Variants in UTRN observed in about 807,000 individuals in gnomAD.
The protein encoded by UTRN is utrophin, also known as dystrophin-related protein 1.
In UTRN, 283 loss-of-function variants were observed where a neutral mutation model predicts 463.9. The observed-to-expected ratio is 0.61, with a 90% CI of 0.55 to 0.67. The LOEUF is 0.67. Among genes scored for constraint, UTRN ranks in the 30% least tolerant of loss-of-function variants. UTRN has a pLI of 0.00. For missense variants in UTRN, 3,922 were observed against 4,084.3 expected (o/e 0.96, Z 1.08); for synonymous variants, 1,442 against 1,431.5 (o/e 1.01, Z -0.17).
chr6:144,502,557 A>G (rs939548416), intron 34 of UTRN, among the ~76,000 whole-genome samples: 22 of 152,016 alleles, frequency 1.4e-4, no homozygotes, highest in African/African-American at 4.6e-4. Context: ...ATGGTTTCCA[A>G]CTTCATCCGG....
At position 144,437,630 on chromosome 6, in the gene UTRN, ACTG is replaced by A. The variant is rs1399473448; in HGVS notation, c.1126_1128del (p.Leu376del). On this transcript the variant is annotated inframe_deletion, in exon 11 of 75. Transcript: ENST00000367545. The stretch of plus-strand genomic sequence containing the variant: ...GCAGCGTCCTGCAGGCAGGCAACCA[ACTG>A]ATAACACAAGGAACTCTGTCAGACG... The A allele has an allele frequency of 6.2e-7, 1 of 1,614,018 alleles. No homozygotes were observed. The highest frequency in any genetic ancestry group is 1.3e-5 in the African/African-American group (1 of 74,908).
At position 144,341,791 on chromosome 6, in the gene UTRN, C is replaced by G. The variant is rs147583478; in HGVS notation, c.79+49884C>G. ...TTCCTTACCAGTTTTCAGAAGAACC[C>G]TTTGGTAGAGGAAGCAGGGCCAACT... On this transcript the variant is annotated intron_variant, in intron 2 of 74. Transcript: ENST00000367545. Among the ~76,000 whole-genome samples, 314 of 152,274 alleles carry G rather than the reference C, an allele frequency of 2.1e-3. 2 individuals are homozygous for G. The highest frequency in any genetic ancestry group is 7.2e-3 in the African/African-American group (300 of 41,530).
chr6:144,587,930 G>A (rs1004936389), intron 51 of UTRN, among the ~76,000 whole-genome samples: 4 of 152,108 alleles, frequency 2.6e-5, no homozygotes, highest in Non-Finnish European at 4.4e-5. Flanking sequence ...TCATGAGAAA[G>A]TCTTGGTTAG....
intron 51 of UTRN, among the ~76,000 whole-genome samples, chr6:144,602,117 C>A (rs1804308473): frequency 6.6e-6 from 1 of 151,898 alleles, no homozygotes; most frequent in Non-Finnish European, 1.5e-5. Flanking sequence ...GAGTTAAATT[C>A]CTACAGCATT....
intron 40 of UTRN, 24 bp downstream of exon 40, chr6:144,522,195 G>T (rs1471645292): frequency 1.4e-6 from 2 of 1,451,860 alleles, no homozygotes; most frequent in South Asian, 1.7e-5. Context: ...CACTGTGTTT[G>T]AATGGCCACA....
chr6:144,318,755 C>T (rs1298449480), intron 2 of UTRN, among the ~76,000 whole-genome samples: 2 of 152,196 alleles, frequency 1.3e-5, no homozygotes, highest in Non-Finnish European at 2.9e-5. Flanking sequence ...TGAGCCACTG[C>T]ACCTGGCCTA....
At chr6:144,731,183 G>A (rs1788476101) in intron 54 of UTRN, among the ~76,000 whole-genome samples, 1 of 151,784 alleles carries the variant, frequency 6.6e-6, no homozygotes, top group Non-Finnish European at 1.5e-5. Flanking sequence ...TTTACAAGCA[G>A]ACAACATTTG....
At chr6:144,404,214 G>A (rs1783181397) in intron 3 of UTRN, among the ~76,000 whole-genome samples, 2 of 152,110 alleles carry the variant, frequency 1.3e-5, no homozygotes, top group Non-Finnish European at 2.9e-5. Context: ...GAGTATGTAA[G>A]GAACATGAAA....
chr6:144,490,043 TCCTCTCC>T, intron 30 of UTRN, 21 bp from the exon 31 acceptor site: 1 of 1,591,798 alleles, frequency 6.3e-7, no homozygotes, highest in Non-Finnish European at 8.5e-7. Context: ...AAAAAGGACA[TCCTCTCC>T]CCTTTCCAAT....
chr6:144,533,219 C>G lies in UTRN; in HGVS notation c.6192C>G (p.Arg2064=). Residue 2064 remains arginine (R), a synonymous_variant, in exon 43 of 75, where the codon CGC becomes CGG. Transcript: ENST00000367545. Reference sequence around the variant, plus strand: ...AAAAACTGGCAGGTTTAAACCAACGCTGGGATGCAATTGTTGCAGAAGTGA... The same window carrying G: ...AAAAACTGGCAGGTTTAAACCAACGGTGGGATGCAATTGTTGCAGAAGTGA... ...LKEKLAGLNQ[R]WDAIVAEVKD... The G allele has an allele frequency of 6.2e-7, 1 of 1,614,136 alleles. No individual in the cohort carries two copies. Among genetic ancestry groups the G allele is most frequent in the Non-Finnish European group, 8.5e-7 (1 of 1,179,988 alleles).
At chr6:144,761,442 C>T (rs559841332) in intron 58 of UTRN, among the ~76,000 whole-genome samples, 149 of 151,946 alleles carry the variant, frequency 9.8e-4, no homozygotes, top group Middle Eastern at 3.4e-3. Flanking sequence ...ATTGCTTGCC[C>T]CCAGGAGTTC....
intron 45 of UTRN, among the ~76,000 whole-genome samples, chr6:144,540,609 C>T (rs1797904977): frequency 6.6e-6 from 1 of 152,184 alleles, no homozygotes; most frequent in African/African-American, 2.4e-5. Context: ...CACAATCGAG[C>T]TTTTGATATC....
Position 144,429,645 on chromosome 6 carries a change from G to A in UTRN, c.759G>A (p.Val253=). The A allele has an allele frequency of 6.2e-7, 1 of 1,612,352 alleles. No individual in the cohort carries two copies. The highest frequency in any genetic ancestry group is 8.5e-7 in the Non-Finnish European group (1 of 1,179,096). ...TGTATTTAACATCTTTGTTTGAGGT[G>A]CTACCTCAGCAAGTCACCATAGACG... The part of the protein sequence containing the change: ...IIMYLTSLFE[V]LPQQVTIDAI... Residue 253 remains valine, a synonymous_variant, in exon 9 of 75, where the codon GTG becomes GTA. Transcript: ENST00000367545.
rs746467963 is a variant in UTRN at position 144,511,047 on chromosome 6, A to G, written c.4868A>G (p.Glu1623Gly). The G allele has an allele frequency of 2.5e-6, 4 of 1,613,054 alleles. No individual in the cohort carries two copies. The Admixed American group carries it at 5.0e-5, about 20-fold the overall frequency. Residue 1623 changes from glutamate to glycine, a missense_variant, in exon 35 of 75, where the codon GAA becomes GGA. Transcript: ENST00000367545. ...ATTGAGGGCAGTGAGCCTATTTTAGAAGAGAGGCTCTGCGTCCTTAACGCT... is the reference window on the plus strand; with the variant it reads ...ATTGAGGGCAGTGAGCCTATTTTAGGAGAGAGGCTCTGCGTCCTTAACGCT... ...NLIEGSEPIL[E>G]ERLCVLNAGW... is the part of the protein sequence containing the mutation.
At chr6:144,483,559 C>T (rs550132790) in intron 27 of UTRN, among the ~76,000 whole-genome samples, 1 of 152,278 alleles carries the variant, frequency 6.6e-6, no homozygotes, top group East Asian at 1.9e-4. Flanking sequence ...CTTCCTGCCC[C>T]CGCTTCCTGA....
chr6:144,543,555 C>G (rs1798161190), intron 46 of UTRN, among the ~76,000 whole-genome samples: 1 of 152,096 alleles, frequency 6.6e-6, no homozygotes, highest in Non-Finnish European at 1.5e-5. Flanking sequence ...CCACTCACTC[C>G]CTGACAGCTG....
At chr6:144,824,614 C>CTCTTTTTTT (rs1315487327) in intron 66 of UTRN, among the ~76,000 whole-genome samples, 1 of 30,878 alleles carries the variant, frequency 3.2e-5, no homozygotes, top group African/African-American at 1.1e-4. Context: ...ATATATATAT[C>CTCTTTTTTT]TTTTTTTTTT....
chr6:144,443,583 T>C (rs1787373935), intron 13 of UTRN, among the ~76,000 whole-genome samples: 1 of 152,158 alleles, frequency 6.6e-6, no homozygotes, highest in South Asian at 2.1e-4. Context: ...TTAATCATTA[T>C]TTGTAAAATT....
rs141451602 is a variant in UTRN at position 144,352,367 on chromosome 6, C to G, written c.80-50756C>G. On this transcript the variant is annotated intron_variant, in intron 2 of 74. Transcript: ENST00000367545. ...AATGAATTATTATATTTTACCTTTG[C>G]CCATGTGAATTCTTTAAAATAATTA... 2.2e-3 allele frequency among the ~76,000 whole-genome samples: 332 copies of G among 152,190 alleles called. 1 individual carries two copies. Among genetic ancestry groups the G allele is most frequent in the African/African-American group, 7.6e-3 (315 of 41,518 alleles).
Sources: gnomAD v4.1 joint callset for allele counts (sites outside exome capture counted in the v4.1 genomes callset) on GRCh38, gnomAD v4.1.1 for gene constraint, MANE v1.5 for transcripts, NCBI Gene and HGNC (gene_info 2026-07-23, HGNC 2026-07-21) for gene names.